HS6ST2: variants seen among roughly 807,000 people sequenced by gnomAD.
HS6ST2 encodes heparan sulfate 6-O-sulfotransferase 2.
HS6ST2 carries 17 observed loss-of-function variants against 33.0 expected under a neutral mutation model. That is an observed-to-expected ratio of 0.52 (90% CI 0.35 to 0.77). The LOEUF (loss-of-function observed/expected upper bound fraction) is 0.77, where lower values mean the gene tolerates loss of function less well. Among genes scored for constraint, HS6ST2 ranks in the 30% least tolerant of loss-of-function variants. HS6ST2 has a pLI of 0.01. For synonymous variants in HS6ST2, 248 were observed against 237.1 expected, an observed-to-expected ratio of 1.05 and a Z score of -0.42; for missense variants, 519 against 551.7, an observed-to-expected ratio of 0.94 and a Z score of 0.59.
At chrX:132,724,768 A>C (rs1466704522) in intron 2 of HS6ST2, among the ~76,000 whole-genome samples, 1 of 112,236 alleles carries the variant, frequency 8.9e-6, no homozygotes, top group Non-Finnish European at 1.9e-5. Flanking sequence ...CTACAGAGCT[A>C]TAGCAACCAA....
chrX:132,761,357 CCTG>C (rs1438613828), intron 2 of HS6ST2, among the ~76,000 whole-genome samples: 1 of 111,463 alleles, frequency 9.0e-6, no homozygotes, highest in Non-Finnish European at 1.9e-5. Context: ...AGTCAATGGG[CCTG>C]CTGCTGTGGG....
intron 4 of HS6ST2, among the ~76,000 whole-genome samples, chrX:132,637,861 A>T (rs866874388): frequency 2.9e-5 from 1 of 34,852 alleles, no homozygotes; most frequent in South Asian, 1.2e-3. Flanking sequence ...ATATATATAT[A>T]ATATATTATA....
intron 4 of HS6ST2, among the ~76,000 whole-genome samples, chrX:132,644,871 C>CCCAGGTT (rs2063629038): frequency 9.0e-6 from 1 of 111,511 alleles, no homozygotes; most frequent in Admixed American, 9.5e-5. Flanking sequence ...GCCTCAGGTC[C>CCCAGGTT]CCAGGTTGGC....
chrX:132,934,833 T>TA (rs998065590), intron 2 of HS6ST2, among the ~76,000 whole-genome samples: 12 of 109,720 alleles, frequency 1.1e-4, no homozygotes, highest in African/African-American at 3.6e-4. Context: ...CAGAATGAAA[T>TA]AAAAACCAAA....
At chrX:132,890,703 G>A (rs1051092812) in intron 2 of HS6ST2, among the ~76,000 whole-genome samples, 4 of 110,694 alleles carry the variant, frequency 3.6e-5, no homozygotes, top group African/African-American at 6.6e-5. Context: ...GGTAAGTAAC[G>A]ATGAGCCTCA....
chrX:132,872,284 T>A (rs1253934258), intron 2 of HS6ST2, among the ~76,000 whole-genome samples: 1 of 112,111 alleles, frequency 8.9e-6, no homozygotes, highest in Non-Finnish European at 1.9e-5. Context: ...ATTTTGAAAG[T>A]CAGTCTTTCA....
In HS6ST2 at chrX:132,769,761, A is replaced by G. The variant is rs965737405; in HGVS notation, c.948-61267T>C. On this transcript the variant is annotated intron_variant, in intron 2 of 4. Coordinates refer to ENST00000370833, the MANE Select transcript of HS6ST2 (RefSeq NM_001394073.1). ...TGAGGTAGGCGCAAAAGCGGAAGTG[A>G]CCAACAGTTGTGTAGATCAGAACTT... is the stretch of plus-strand genomic sequence containing the variant. 3.6e-5 allele frequency among the ~76,000 whole-genome samples: 4 copies of G among 112,259 alleles called. No homozygotes were observed. In the South Asian group the frequency reaches 1.5e-3, roughly 43 times the overall value.
At chrX:132,883,344 G>A (rs771408085) in intron 2 of HS6ST2, among the ~76,000 whole-genome samples, 49 of 110,893 alleles carry the variant, frequency 4.4e-4, no homozygotes, top group African/African-American at 1.6e-3. Flanking sequence ...ACTTCTTCCT[G>A]GTTTAGTCTT....
chrX:132,814,105 G>A (rs1475620314), intron 2 of HS6ST2, among the ~76,000 whole-genome samples: 1 of 110,485 alleles, frequency 9.1e-6, no homozygotes, highest in Non-Finnish European at 1.9e-5. Context: ...CACCACGCCC[G>A]GATAATTTTT....
At chrX:132,827,588 T>C (rs893868406) in intron 2 of HS6ST2, among the ~76,000 whole-genome samples, 1 of 111,405 alleles carries the variant, frequency 9.0e-6, no homozygotes, top group Non-Finnish European at 1.9e-5. Context: ...ATTCCCTCCC[T>C]TTAAAGGGAG....
In HS6ST2 at chrX:132,884,193, A is replaced by G. The variant is rs139090160; in HGVS notation, c.947+72615T>C. Among the ~76,000 whole-genome samples, 108 of 111,643 alleles carry G rather than the reference A, an allele frequency of 9.7e-4. 3 individuals are homozygous for G. In the East Asian group the frequency reaches 0.03, roughly 31 times the overall value. ...CATCAATAAAAGTCTGACACTGTGG[A>G]AAGACACAAACATGTGTGAAACTGG... On this transcript the variant is annotated intron_variant, in intron 2 of 4. Transcript: ENST00000370833.
At chrX:132,798,269 T>C (rs1408821568) in intron 2 of HS6ST2, among the ~76,000 whole-genome samples, 1 of 110,601 alleles carries the variant, frequency 9.0e-6, no homozygotes, top group East Asian at 2.9e-4. Context: ...TGAAAGGGAA[T>C]GCAGATCTTC....
intron 2 of HS6ST2, among the ~76,000 whole-genome samples, chrX:132,879,905 C>T (rs1230155746): frequency 6.3e-5 from 7 of 111,570 alleles, no homozygotes; most frequent in Admixed American, 5.7e-4. Context: ...AACGTCATCA[C>T]TATTCCTCCC....
chrX:132,802,808 T>C (rs184141612), intron 2 of HS6ST2, among the ~76,000 whole-genome samples: 134 of 109,058 alleles, frequency 1.2e-3, no homozygotes, highest in African/African-American at 4.0e-3. Flanking sequence ...TTATAATGAT[T>C]GGAACCAGGT....
intron 2 of HS6ST2, among the ~76,000 whole-genome samples, chrX:132,924,346 TA>T (rs936126377): frequency 1.8e-5 from 2 of 112,329 alleles, no homozygotes; most frequent in Non-Finnish European, 3.7e-5. Context: ...TTGAAACAGT[TA>T]ATGAGTCATC....
chrX:132,747,901 C>A (rs1374557532), intron 2 of HS6ST2, among the ~76,000 whole-genome samples: 1 of 111,372 alleles, frequency 9.0e-6, no homozygotes, highest in East Asian at 2.8e-4. Flanking sequence ...GCAGGCTGGC[C>A]AGGTTTGGAA....
chrX:132,901,632 A>G (rs868824827), intron 2 of HS6ST2, among the ~76,000 whole-genome samples: 4 of 111,665 alleles, frequency 3.6e-5, no homozygotes, highest in African/African-American at 1.3e-4. Context: ...TACATGAAGG[A>G]AAACAATTCT....
intron 2 of HS6ST2, among the ~76,000 whole-genome samples, chrX:132,866,061 A>G (rs1419798050): frequency 9.0e-6 from 1 of 110,871 alleles, no homozygotes; most frequent in South Asian, 3.8e-4. Context: ...GCCCATGCCT[A>G]TGTCCTGAAT....
At chrX:132,837,738 T>C (rs765999485) in intron 2 of HS6ST2, among the ~76,000 whole-genome samples, 1 of 112,181 alleles carries the variant, frequency 8.9e-6, no homozygotes, top group African/African-American at 3.2e-5. Context: ...CTTCTAGAAC[T>C]ATGACTGCAG....
Sources: allele counts gnomAD v4.1 joint callset (sites outside exome capture counted in the v4.1 genomes callset), GRCh38; gene constraint gnomAD v4.1.1; transcripts MANE v1.5; gene names NCBI Gene and HGNC (gene_info 2026-07-23, HGNC 2026-07-21).